The following NEK11 variants were observed in gnomAD, a reference collection of about 807,000 sequenced individuals.
NEK11 encodes the protein serine/threonine-protein kinase Nek11.
A neutral mutation model predicts 80.7 loss-of-function variants in NEK11; 72 were observed. The ratio of observed to expected loss-of-function variants is 0.89; its 90% CI spans 0.74 to 1.08. The LOEUF (loss-of-function observed/expected upper bound fraction) is 1.08. NEK11 is among the 50% of genes least tolerant of loss of function. The pLI is 0.00. For missense variants in NEK11, 764 were observed against 763.6 expected (o/e 1.00, Z -0.01); for synonymous variants, 251 against 260.7 (o/e 0.96, Z 0.36).
chr3:131,059,368 A>G (rs111617371), intron 3 of NEK11, among the ~76,000 whole-genome samples: 28 of 152,318 alleles, frequency 1.8e-4, no homozygotes, highest in African/African-American at 6.0e-4. Context: ...GAGGAGAAAT[A>G]TGTACATTAA....
At chr3:131,197,840 G>C (rs1378554840) in intron 14 of NEK11, among the ~76,000 whole-genome samples, 1 of 152,014 alleles carries the variant, frequency 6.6e-6, no homozygotes, top group African/African-American at 2.4e-5. Flanking sequence ...TCTAATGGAG[G>C]GTCCTGCCTT....
At chr3:131,114,978 T>C (rs1328711768) in intron 5 of NEK11, among the ~76,000 whole-genome samples, 4 of 152,194 alleles carry the variant, frequency 2.6e-5, no homozygotes, top group Non-Finnish European at 5.9e-5. Context: ...TGATGGTTGA[T>C]TTTATGTGTC....
intron 16 of NEK11, among the ~76,000 whole-genome samples, chr3:131,263,570 TG>T (rs1481123678): frequency 6.6e-6 from 1 of 152,206 alleles, no homozygotes; most frequent in Admixed American, 6.5e-5. Flanking sequence ...TTTGATTTTC[TG>T]TCCTTGCAAT....
intron 17 of NEK11, among the ~76,000 whole-genome samples, chr3:131,341,215 C>T (rs1356084476): frequency 6.6e-6 from 1 of 152,132 alleles, no homozygotes; most frequent in African/African-American, 2.4e-5. Flanking sequence ...TATTCCAAGA[C>T]TAGAACACCT....
chr3:131,126,897 T>G (rs2083434682), intron 5 of NEK11, among the ~76,000 whole-genome samples: 1 of 151,974 alleles, frequency 6.6e-6, no homozygotes, highest in Non-Finnish European at 1.5e-5. Context: ...ATTAGAACTT[T>G]AAGCCTGTAT....
intron 5 of NEK11, among the ~76,000 whole-genome samples, chr3:131,127,079 C>A (rs1192711819): frequency 1.3e-5 from 2 of 150,816 alleles, no homozygotes; most frequent in African/African-American, 4.9e-5. Context: ...AATTATCCTG[C>A]CTCAGCCTCC....
chr3:131,161,588 A>G (rs1290211439), intron 10 of NEK11, among the ~76,000 whole-genome samples: 1 of 152,222 alleles, frequency 6.6e-6, no homozygotes, highest in Non-Finnish European at 1.5e-5. Context: ...TGACCAGAAA[A>G]CCAAATAATG....
chr3:131,044,422 CAAAAA>C (rs57412173), intron 3 of NEK11, among the ~76,000 whole-genome samples: 7 of 37,766 alleles, frequency 1.9e-4, no homozygotes, highest in African/African-American at 1.5e-4. Context: ...AAATGGAAAG[CAAAAA>C]AAAAAAAAAA....
chr3:131,244,743 A>T (rs2095571823), intron 16 of NEK11, among the ~76,000 whole-genome samples: 1 of 152,138 alleles, frequency 6.6e-6, no homozygotes, highest in South Asian at 2.1e-4. Flanking sequence ...GCAACATAGC[A>T]AGACCCCGTC....
chr3:131,211,433 A>T (rs1049060380), intron 14 of NEK11, among the ~76,000 whole-genome samples: 4 of 151,974 alleles, frequency 2.6e-5, no homozygotes, highest in Admixed American at 6.6e-5. Flanking sequence ...GGTGAATCTG[A>T]CAATTATGTG....
intron 3 of NEK11, among the ~76,000 whole-genome samples, chr3:131,062,250 A>C (rs996732285): frequency 1.3e-5 from 2 of 152,220 alleles, no homozygotes; most frequent in African/African-American, 4.8e-5. Flanking sequence ...GTAACTTGGG[A>C]ATAGATGTAC....
At chr3:131,059,658 C>G (rs781560368) in intron 3 of NEK11, among the ~76,000 whole-genome samples, 1 of 152,182 alleles carries the variant, frequency 6.6e-6, no homozygotes, top group South Asian at 2.1e-4. Context: ...AGTATGCACA[C>G]AATTGACTCC....
chr3:131,223,181 A>G (rs1055976079), intron 14 of NEK11, among the ~76,000 whole-genome samples: 1 of 152,178 alleles, frequency 6.6e-6, no homozygotes, highest in Non-Finnish European at 1.5e-5. Context: ...GAAGGCTTCA[A>G]GTTGGGTCTA....
chr3:131,071,470 CT>C (rs200295201), intron 3 of NEK11, among the ~76,000 whole-genome samples: 1,742 of 151,952 alleles, frequency 0.011, 42 homozygotes, highest in African/African-American at 0.039. Context: ...CCTTGCTTCA[CT>C]CTTTTCTTTC....
At chr3:131,210,755 G>T (rs1453551462) in intron 14 of NEK11, among the ~76,000 whole-genome samples, 1 of 152,044 alleles carries the variant, frequency 6.6e-6, no homozygotes, top group Non-Finnish European at 1.5e-5. Context: ...TTTGATCTTT[G>T]TTGGTTTAAA....
At chr3:131,162,548 G>T (rs574971586) in intron 11 of NEK11, 21 bp downstream of exon 11, 24 of 1,613,490 alleles carry the variant, frequency 1.5e-5, no homozygotes, top group Admixed American at 3.3e-5. Context: ...TTTCCTTTAG[G>T]CACTCATGCT....
chr3:131,131,961 T>C (rs1213777096), intron 5 of NEK11, among the ~76,000 whole-genome samples: 1 of 152,080 alleles, frequency 6.6e-6, no homozygotes, highest in African/African-American at 2.4e-5. Context: ...CTTCATTGTT[T>C]AGAAGTGTGT....
intron 7 of NEK11, among the ~76,000 whole-genome samples, chr3:131,138,893 C>T (rs1194766213): frequency 6.6e-6 from 1 of 152,102 alleles, no homozygotes; most frequent in East Asian, 1.9e-4. Context: ...CCTGGAAAGC[C>T]TTCCCAAGGA....
intron 6 of NEK11, among the ~76,000 whole-genome samples, chr3:131,133,016 G>A (rs931081245): frequency 6.6e-6 from 1 of 151,948 alleles, no homozygotes; most frequent in African/African-American, 2.4e-5. Context: ...TAATTGTTTT[G>A]TTTCTGAGTA....
Sources: gnomAD v4.1 joint callset for allele counts (sites outside exome capture counted in the v4.1 genomes callset) on GRCh38, gnomAD v4.1.1 for gene constraint, MANE v1.5 for transcripts, NCBI Gene and HGNC (gene_info 2026-07-23, HGNC 2026-07-21) for gene names.